The following HAS3 variants were observed in gnomAD, a reference collection of about 807,000 sequenced individuals.
HAS3 encodes the protein hyaluronan synthase 3, also known as HA synthase 3.
In HAS3, 27 loss-of-function variants were observed where a neutral mutation model predicts 50.3. The ratio of observed to expected loss-of-function variants is 0.54; its 90% CI spans 0.40 to 0.74. The LOEUF is 0.74. Among genes scored for constraint, HAS3 ranks in the 30% least tolerant of loss-of-function variants. HAS3 has a pLI of 0.00. For synonymous variants in HAS3, 339 were observed against 310.9 expected, an observed-to-expected ratio of 1.09 and a Z score of -0.95; for missense variants, 517 against 742.8, an observed-to-expected ratio of 0.70 and a Z score of 3.53.
At chr16:69,108,042 A>G (rs1960866995) in intron 1 of HAS3, among the ~76,000 whole-genome samples, 1 of 152,178 alleles carries the variant, frequency 6.6e-6, no homozygotes, top group African/African-American at 2.4e-5. Flanking sequence ...CCTGAGACCT[A>G]AGAGTTGGAG....
the HAS3 span, among the ~76,000 whole-genome samples, chr16:69,089,381 G>A: frequency 4.6e-5 from 7 of 152,152 alleles, no homozygotes; most frequent in Admixed American, 3.9e-4. Flanking sequence ...GTCAGAAACC[G>A]GAGCTGTGAG....
At chr16:69,113,940 C>T (rs1178763302) in intron 3 of HAS3, among the ~76,000 whole-genome samples, 1 of 152,184 alleles carries the variant, frequency 6.6e-6, no homozygotes, top group Non-Finnish European at 1.5e-5. Context: ...CCCAATCTGC[C>T]AGAGATACTG....
chr16:69,095,497 A>G, the HAS3 span, among the ~76,000 whole-genome samples: 1 of 151,858 alleles, frequency 6.6e-6, no homozygotes, highest in Non-Finnish European at 1.5e-5. Context: ...TGGATGCAGA[A>G]TAGAATTGCC....
At chr16:69,104,992 G>GGTTTTTTTTTTTTTTT (rs1567576954), upstream of HAS3, among the ~76,000 whole-genome samples, 2 of 81,958 alleles carry the variant, frequency 2.4e-5, no homozygotes, top group Non-Finnish European at 4.5e-5. Context: ...CTGTTTTTTG[G>GGTTTTTTTTTTTTTTT]TTTTTTTTTT....
At chr16:69,097,785 A>T in the HAS3 span, among the ~76,000 whole-genome samples, 1 of 152,110 alleles carries the variant, frequency 6.6e-6, no homozygotes, top group Non-Finnish European at 1.5e-5. Context: ...GTCCTCAATG[A>T]GGAGGTGAGT....
At chr16:69,091,432 AG>A in the HAS3 span, among the ~76,000 whole-genome samples, 1 of 152,212 alleles carries the variant, frequency 6.6e-6, no homozygotes. Context: ...AGGTCTTAAA[AG>A]GTTGGAGTGC....
intron 2 of HAS3, 65 bp downstream of exon 2, chr16:69,110,096 C>T (rs767590662): frequency 5.1e-5 from 75 of 1,464,454 alleles, no homozygotes; most frequent in South Asian, 7.7e-5. Context: ...GCAAACTCTC[C>T]GCCAAGAATC....
In HAS3 at chr16:69,117,423, C is replaced by T; in HGVS notation, c.*2157C>T. ...AGTTATTTTGTACATTTTTCAGCAGCAAAACCAAACTGGGTCTTCAGCTTT... is the reference window on the plus strand; with the variant it reads ...AGTTATTTTGTACATTTTTCAGCAGTAAAACCAAACTGGGTCTTCAGCTTT... On this transcript the variant is annotated 3_prime_UTR_variant, in exon 4 of 4. Transcript: ENST00000569188. 1.0e-6 allele frequency: 1 copy of T among 985,814 alleles called. No individual in the cohort carries two copies. Among genetic ancestry groups the T allele is most frequent in the Non-Finnish European group, 1.2e-6 (1 of 829,894 alleles). 61.1% of individuals were successfully genotyped at this position (985,814 alleles called of 1,614,324 possible).
rs942245792 is a variant in HAS3 at position 69,107,990 on chromosome 16, G to A, written c.1-1406G>A. Among the ~76,000 whole-genome samples, 2 of 152,242 alleles carry A rather than the reference G, an allele frequency of 1.3e-5. No homozygotes were observed. Among genetic ancestry groups the A allele is most frequent in the Non-Finnish European group, 2.9e-5 (2 of 68,036 alleles). ...GTTCTTCGTCCCTTCTACGTGAGAGGCGTCCCGACAGGAAAGTGTGTTTGT... is the reference window on the plus strand; with the variant it reads ...GTTCTTCGTCCCTTCTACGTGAGAGACGTCCCGACAGGAAAGTGTGTTTGT... On this transcript the variant is annotated intron_variant, in intron 1 of 3. Transcript: ENST00000569188. This position sits in a 1 kb window ranked among gnomAD's most constrained non-coding sequence, Gnocchi z 5.5.
Position 69,114,388 on chromosome 16 carries a change from C to A in HAS3, c.784C>A (p.Arg262=). Residue 262 remains arginine (R), a synonymous_variant, in exon 4 of 4, where the codon CGG becomes AGG. Transcript: ENST00000569188. This position sits in a 1 kb window ranked among gnomAD's most constrained non-coding sequence, Gnocchi z 6.4. The part of the protein sequence containing the change: ...DSWISFLSSV[R]YWMAFNVERA... ...ATGGATTTCCTTCCTGAGCAGCGTGCGGTACTGGATGGCCTTCAACGTGGA... is the reference window on the plus strand; with the variant it reads ...ATGGATTTCCTTCCTGAGCAGCGTGAGGTACTGGATGGCCTTCAACGTGGA... The A allele has an allele frequency of 6.2e-7, 1 of 1,609,484 alleles. No homozygotes were observed. The highest frequency in any genetic ancestry group is 8.5e-7 in the Non-Finnish European group (1 of 1,179,768).
the HAS3 span, among the ~76,000 whole-genome samples, chr16:69,093,957 A>C: frequency 6.6e-6 from 1 of 152,216 alleles, no homozygotes; most frequent in Non-Finnish European, 1.5e-5. Context: ...TCTTTGAAGA[A>C]GGGAAAAATA....
At chr16:69,110,281 C>G (rs1354237086) in intron 2 of HAS3, among the ~76,000 whole-genome samples, 1 of 152,204 alleles carries the variant, frequency 6.6e-6, no homozygotes, top group Non-Finnish European at 1.5e-5. Context: ...GAAACCCCAT[C>G]TCTACTAAAA....
upstream of HAS3, among the ~76,000 whole-genome samples, chr16:69,103,844 C>G (rs1264983775): frequency 6.6e-6 from 1 of 152,204 alleles, no homozygotes; most frequent in East Asian, 1.9e-4. Flanking sequence ...CTCAGCCAAT[C>G]TCTTCAAACT....
the HAS3 span, among the ~76,000 whole-genome samples, chr16:69,087,696 C>CTTTT: frequency 8.1e-4 from 67 of 82,592 alleles, no homozygotes; most frequent in South Asian, 2.1e-3. Context: ...CCGCACCCGG[C>CTTTT]TTTTTTTTTT....
the HAS3 span, chr16:69,084,581 C>T: frequency 6.6e-6 from 1 of 152,366 alleles, no homozygotes; most frequent in Non-Finnish European, 1.5e-5. Flanking sequence ...GTGGTCTCCA[C>T]TTTATTTCTT....
upstream of HAS3, among the ~76,000 whole-genome samples, chr16:69,102,975 C>A (rs1416839169): frequency 6.6e-6 from 1 of 151,654 alleles, no homozygotes; most frequent in South Asian, 2.1e-4. Flanking sequence ...ATGACTCAGA[C>A]ACATTATGTC....
At chr16:69,112,432 C>G (rs1045964912) in intron 2 of HAS3, among the ~76,000 whole-genome samples, 3 of 152,184 alleles carry the variant, frequency 2.0e-5, no homozygotes, top group African/African-American at 7.2e-5. Context: ...TTATCTGTGG[C>G]CACCCTGTCT....
intron 2 of HAS3, among the ~76,000 whole-genome samples, chr16:69,110,570 C>T (rs568146902): frequency 2.0e-5 from 3 of 152,188 alleles, no homozygotes; most frequent in Admixed American, 6.5e-5. Context: ...GGCACATACA[C>T]CACCGCACCC....
At chr16:69,098,662 A>ATTT in the HAS3 span, among the ~76,000 whole-genome samples, 1,069 of 97,894 alleles carry the variant, frequency 0.011, 56 homozygotes, top group African/African-American at 0.037. Context: ...ATCAAACCTG[A>ATTT]TTTTTTTTTT....
Sources: gnomAD v4.1 joint callset for allele counts (sites outside exome capture counted in the v4.1 genomes callset) on GRCh38, gnomAD v4.1.1 for gene constraint, Gnocchi (gnomAD v3.1) non-coding constraint, MANE v1.5 for transcripts, NCBI Gene and HGNC (gene_info 2026-07-23, HGNC 2026-07-21) for gene names.